The following FSTL5 variants were observed in gnomAD, a reference collection of about 807,000 sequenced individuals.
FSTL5 encodes follistatin-related protein 5.
A neutral mutation model predicts 89.1 loss-of-function variants in FSTL5; 62 were observed. That is an observed-to-expected ratio of 0.70 (90% CI 0.57 to 0.86). The LOEUF is 0.86. Ranked by LOEUF, FSTL5 falls within the 40% of genes least tolerant of loss-of-function variation. The pLI is 0.00. For missense variants in FSTL5, 1,057 were observed against 1,001.6 expected, an observed-to-expected ratio of 1.06 and a Z score of -0.75; for synonymous variants, 383 against 346.2, an observed-to-expected ratio of 1.11 and a Z score of -1.18.
intron 8 of FSTL5, 47 bp from the exon 9 acceptor site, chr4:161,542,740 C>A (rs1731874493): frequency 7.7e-7 from 1 of 1,296,704 alleles, no homozygotes; most frequent in Non-Finnish European, 1.0e-6. Context: ...TTCATATTTT[C>A]TATTTAATTT....
chr4:161,978,712 T>C (rs1735733978), intron 3 of FSTL5, among the ~76,000 whole-genome samples: 1 of 152,094 alleles, frequency 6.6e-6, no homozygotes. Context: ...TATAATCCCT[T>C]TGTGTTTCAG....
At chr4:161,878,943 T>C (rs2126908599) in intron 4 of FSTL5, among the ~76,000 whole-genome samples, 1 of 152,344 alleles carries the variant, frequency 6.6e-6, no homozygotes, top group South Asian at 2.1e-4. Context: ...TATATTCTGG[T>C]GATTCTCAAT....
chr4:161,537,380 A>C (rs1731659989), intron 10 of FSTL5, among the ~76,000 whole-genome samples: 3 of 152,178 alleles, frequency 2.0e-5, no homozygotes, highest in African/African-American at 4.8e-5. Flanking sequence ...ATCCCAAAAC[A>C]GCCACACTGT....
At chr4:161,894,527 G>C (rs1733092935) in intron 4 of FSTL5, among the ~76,000 whole-genome samples, 1 of 151,614 alleles carries the variant, frequency 6.6e-6, no homozygotes, top group Admixed American at 6.6e-5. Context: ...TGTTGCCCAG[G>C]CTGGAATACA....
chr4:161,881,061 T>C (rs1156844016), intron 4 of FSTL5, among the ~76,000 whole-genome samples: 3 of 151,950 alleles, frequency 2.0e-5, no homozygotes, highest in East Asian at 3.9e-4. Context: ...AAATCATCTC[T>C]AGGTATTACA....
At chr4:161,468,474 T>C (rs1268511879) in intron 13 of FSTL5, among the ~76,000 whole-genome samples, 1 of 152,160 alleles carries the variant, frequency 6.6e-6, no homozygotes, top group African/African-American at 2.4e-5. Flanking sequence ...ACTGGCTTTT[T>C]AGATTGCTGC....
intron 4 of FSTL5, among the ~76,000 whole-genome samples, chr4:161,828,416 T>C (rs1020845665): frequency 5.3e-5 from 8 of 152,202 alleles, no homozygotes; most frequent in African/African-American, 1.4e-4. Flanking sequence ...GTTCTAGATG[T>C]ATGTGTTTCC....
chr4:161,622,453 A>G (rs1214555363), intron 7 of FSTL5, among the ~76,000 whole-genome samples: 1 of 152,094 alleles, frequency 6.6e-6, no homozygotes, highest in Non-Finnish European at 1.5e-5. Context: ...GACCCTCATG[A>G]ATAACTCTCC....
chr4:161,508,239 C>A (rs1051367470), intron 11 of FSTL5, among the ~76,000 whole-genome samples: 1 of 151,906 alleles, frequency 6.6e-6, no homozygotes, highest in South Asian at 2.1e-4. Flanking sequence ...TAATGCCTTG[C>A]CAATAATTGT....
chr4:162,031,940 A>T (rs1208635349), intron 3 of FSTL5, among the ~76,000 whole-genome samples: 1 of 152,270 alleles, frequency 6.6e-6, no homozygotes. Flanking sequence ...TCCATGTCAA[A>T]AAAAGAAAAA....
intron 7 of FSTL5, among the ~76,000 whole-genome samples, chr4:161,613,841 T>G (rs1734743227): frequency 6.6e-6 from 1 of 152,232 alleles, no homozygotes; most frequent in South Asian, 2.1e-4. Context: ...CTAAAAGTCA[T>G]GTTTGACATT....
chr4:161,398,513 T>G (rs764523459), intron 15 of FSTL5, among the ~76,000 whole-genome samples: 1 of 152,114 alleles, frequency 6.6e-6, no homozygotes, highest in East Asian at 1.9e-4. Context: ...TGAGCCCTTA[T>G]AAAAGGAGAC....
intron 6 of FSTL5, among the ~76,000 whole-genome samples, chr4:161,752,110 A>G (rs1361423403): frequency 6.6e-6 from 1 of 152,118 alleles, no homozygotes; most frequent in Non-Finnish European, 1.5e-5. Flanking sequence ...TTATTTTTTA[A>G]ATAGCAGAGA....
At chr4:161,702,840 AGT>A (rs1171511099) in intron 6 of FSTL5, among the ~76,000 whole-genome samples, 2 of 152,114 alleles carry the variant, frequency 1.3e-5, no homozygotes, top group Admixed American at 1.3e-4. Flanking sequence ...ACAACCTGAT[AGT>A]GAGTGCTATG....
At chr4:161,852,016 C>T (rs1304572902) in intron 4 of FSTL5, among the ~76,000 whole-genome samples, 1 of 151,894 alleles carries the variant, frequency 6.6e-6, no homozygotes, top group Non-Finnish European at 1.5e-5. Context: ...TAAGTCATAG[C>T]ATTATCAGAA....
chr4:162,087,320 T>C (rs1454830493), intron 2 of FSTL5, among the ~76,000 whole-genome samples: 1 of 152,132 alleles, frequency 6.6e-6, no homozygotes, highest in African/African-American at 2.4e-5. Flanking sequence ...TAACTATTTA[T>C]GGGTTCATAA....
intron 2 of FSTL5, among the ~76,000 whole-genome samples, chr4:162,040,373 T>A (rs1227845845): frequency 6.6e-6 from 1 of 152,046 alleles, no homozygotes; most frequent in African/African-American, 2.4e-5. Context: ...CCACAACAAA[T>A]TTATTCTGTG....
In FSTL5 at chr4:161,587,485, C is replaced by A; in HGVS notation, c.985G>T (p.Val329Phe). The change falls in exon 8 of 16, where the codon GTC (valine) becomes TTC (phenylalanine). Residue 329 changes from valine to phenylalanine, a missense_variant. Val to Phe is a conservative substitution (Grantham distance 50). Coordinates refer to ENST00000306100, the MANE Select transcript of FSTL5 (RefSeq NM_020116.5). ...YTCYADGYEQVYQTHIFQVNV... is the reference protein window; with the variant it reads ...YTCYADGYEQFYQTHIFQVNV... ...ACTTGGAAGATGTGAGTCTGATAGA[C>A]TTGTTCATAGCCATCTGCATAGCAG... 1 of 1,613,342 alleles carries A rather than the reference C, an allele frequency of 6.2e-7. No homozygotes were observed. Among genetic ancestry groups the A allele is most frequent in the Non-Finnish European group, 8.5e-7 (1 of 1,179,520 alleles).
At chr4:161,743,165 AT>A (rs1176545841) in intron 6 of FSTL5, among the ~76,000 whole-genome samples, 1 of 152,024 alleles carries the variant, frequency 6.6e-6, no homozygotes, top group African/African-American at 2.4e-5. Context: ...AGTTCCTCCT[AT>A]GTTTTCTTCT....
Sources: allele counts gnomAD v4.1 joint callset (sites outside exome capture counted in the v4.1 genomes callset), GRCh38; gene constraint gnomAD v4.1.1; transcripts MANE v1.5; gene names NCBI Gene and HGNC (gene_info 2026-07-23, HGNC 2026-07-21).